Variants in MTMR7 observed in about 807,000 individuals in gnomAD.
MTMR7 encodes the protein phosphatidylinositol-3-phosphate phosphatase MTMR7.
In MTMR7, 76 loss-of-function variants were observed where a neutral mutation model predicts 81.2. The ratio of observed to expected loss-of-function variants is 0.94; its 90% CI spans 0.78 to 1.13. The LOEUF (loss-of-function observed/expected upper bound fraction) is 1.13. Ranked by LOEUF, MTMR7 falls within the 50% of genes most tolerant of loss-of-function variation. The pLI is 0.00. For missense variants in MTMR7, 1,044 were observed against 820.0 expected (o/e 1.27, Z -3.34); for synonymous variants, 372 against 289.8 (o/e 1.28, Z -2.88).
At position 17,341,514 on chromosome 8, in the gene MTMR7, C is replaced by T. The variant is rs557135959; in HGVS notation, c.598-17G>A. On this transcript the variant is annotated splice_polypyrimidine_tract_variant and intron_variant, in intron 5 of 13. Coordinates refer to ENST00000180173, the MANE Select transcript of MTMR7 (RefSeq NM_004686.5). ...GATGGAGGCCTAGGGGGAGAGGTCA[C>T]AGCAACACAGCACCATCAGGTAACT... is the stretch of plus-strand genomic sequence containing the variant. 1 of 1,612,302 alleles carries T rather than the reference C, an allele frequency of 6.2e-7. No individual in the cohort carries two copies. The highest frequency in any genetic ancestry group is 8.5e-7 in the Non-Finnish European group (1 of 1,179,780).
chr8:17,401,668 G>T (rs1326994368), intron 1 of MTMR7, among the ~76,000 whole-genome samples: 1 of 152,074 alleles, frequency 6.6e-6, no homozygotes, highest in East Asian at 1.9e-4. Flanking sequence ...AGAGTGCTGA[G>T]GATTTACTAT....
chr8:17,325,590 G>A (rs867996694), intron 7 of MTMR7, among the ~76,000 whole-genome samples: 9 of 152,146 alleles, frequency 5.9e-5, no homozygotes, highest in Admixed American at 4.6e-4. Flanking sequence ...GAGCTGACGC[G>A]GGGCCTGCGT....
intron 5 of MTMR7, among the ~76,000 whole-genome samples, chr8:17,345,338 T>C (rs1422850179): frequency 6.6e-6 from 1 of 152,228 alleles, no homozygotes; most frequent in Non-Finnish European, 1.5e-5. Flanking sequence ...CTGCCAGTCA[T>C]GGAATGATGC....
At chr8:17,402,705 T>A (rs1220845652) in intron 1 of MTMR7, among the ~76,000 whole-genome samples, 1 of 152,352 alleles carries the variant, frequency 6.6e-6, no homozygotes, top group Middle Eastern at 3.4e-3. Context: ...CTTCTGTGAA[T>A]AATGCTGCCA....
At chr8:17,402,848 T>C (rs1405959591) in intron 1 of MTMR7, among the ~76,000 whole-genome samples, 1 of 152,196 alleles carries the variant, frequency 6.6e-6, no homozygotes. Flanking sequence ...ATTGTACTAA[T>C]TTACATTCCC....
At chr8:17,345,864 C>G (rs992953883) in intron 5 of MTMR7, 4 of 152,124 alleles carry the variant, frequency 2.6e-5, no homozygotes, top group African/African-American at 9.7e-5. Flanking sequence ...TGGTAGCATA[C>G]GTGGGAAACA....
intron 7 of MTMR7, among the ~76,000 whole-genome samples, chr8:17,318,310 C>T (rs1818204962): frequency 6.6e-6 from 1 of 152,088 alleles, no homozygotes; most frequent in Admixed American, 6.5e-5. Flanking sequence ...AGGAGCAGCG[C>T]TTCCACAGTT....
chr8:17,348,703 C>T (rs890715673), intron 5 of MTMR7, among the ~76,000 whole-genome samples: 10 of 152,088 alleles, frequency 6.6e-5, no homozygotes, highest in African/African-American at 2.4e-4. Flanking sequence ...GCATGATTAG[C>T]TTTAGGGGTT....
chr8:17,381,015 T>A (rs1356177064), intron 1 of MTMR7, among the ~76,000 whole-genome samples: 1 of 152,080 alleles, frequency 6.6e-6, no homozygotes, highest in African/African-American at 2.4e-5. Context: ...GACAGAACAC[T>A]AAACATCTAA....
At chr8:17,356,274 G>T (rs983010370) in intron 4 of MTMR7, among the ~76,000 whole-genome samples, 3 of 151,920 alleles carry the variant, frequency 2.0e-5, no homozygotes, top group Admixed American at 2.0e-4. Context: ...TTAATCATAC[G>T]GATAGAGCAA....
chr8:17,373,986 C>T (rs576504418), intron 1 of MTMR7, among the ~76,000 whole-genome samples: 1 of 152,264 alleles, frequency 6.6e-6, no homozygotes, highest in East Asian at 1.9e-4. Context: ...CGAGAGAAAA[C>T]TGAAGCAATG....
chr8:17,384,644 A>T (rs1336606729), intron 1 of MTMR7, among the ~76,000 whole-genome samples: 1 of 152,218 alleles, frequency 6.6e-6, no homozygotes, highest in Non-Finnish European at 1.5e-5. Context: ...TAGAATTGCC[A>T]TGATCTCTTA....
At chr8:17,384,873 C>A (rs1186755175) in intron 1 of MTMR7, among the ~76,000 whole-genome samples, 1 of 152,090 alleles carries the variant, frequency 6.6e-6, no homozygotes, top group East Asian at 1.9e-4. Context: ...TTTCCCAGGA[C>A]TATTTTATTC....
chr8:17,310,068 A>G (rs1192502777), intron 9 of MTMR7, among the ~76,000 whole-genome samples: 1 of 152,132 alleles, frequency 6.6e-6, no homozygotes, highest in East Asian at 1.9e-4. Context: ...TGATGAGATC[A>G]TGGCTCACTA....
At chr8:17,376,309 C>T (rs182089507) in intron 1 of MTMR7, among the ~76,000 whole-genome samples, 65 of 152,316 alleles carry the variant, frequency 4.3e-4, no homozygotes, top group African/African-American at 1.5e-3. Context: ...ATTATAGGGA[C>T]ATATCATATT....
intron 1 of MTMR7, among the ~76,000 whole-genome samples, chr8:17,405,835 T>TACAC (rs36233628): frequency 6.6e-5 from 8 of 120,934 alleles, no homozygotes; most frequent in Admixed American, 3.0e-4. Flanking sequence ...CCCAAAACTA[T>TACAC]ACACACACAC....
chr8:17,316,724 G>A (rs7820095), intron 7 of MTMR7, among the ~76,000 whole-genome samples: 8,121 of 152,288 alleles, frequency 0.053, 701 homozygotes, highest in African/African-American at 0.18. Context: ...TATTTACACA[G>A]CACCTACATT....
At chr8:17,382,164 G>A (rs989779412) in intron 1 of MTMR7, among the ~76,000 whole-genome samples, 1 of 152,224 alleles carries the variant, frequency 6.6e-6, no homozygotes, top group African/African-American at 2.4e-5. Flanking sequence ...AGGAAAGGAA[G>A]CATCAGCCAC....
In MTMR7 at chr8:17,300,229, G is replaced by A. The variant is rs747754063; in HGVS notation, c.1621-5C>T. 2.5e-6 allele frequency: 4 copies of A among 1,595,116 alleles called. No individual in the cohort carries two copies. The highest frequency in any genetic ancestry group is 3.4e-6 in the Non-Finnish European group (4 of 1,171,400). ...CTTTTGAATTTTTTCCAGCCTCTAA[G>A]AAAGAAATAACAATTTCAGGGGAAA... On this transcript the variant is annotated splice_region_variant and splice_polypyrimidine_tract_variant and intron_variant, in intron 13 of 13. Transcript: ENST00000180173.
Sources: allele counts gnomAD v4.1 joint callset (sites outside exome capture counted in the v4.1 genomes callset), GRCh38; gene constraint gnomAD v4.1.1; transcripts MANE v1.5; gene names NCBI Gene and HGNC (gene_info 2026-07-23, HGNC 2026-07-21).